The following CMSS1 variants were observed in gnomAD, a reference collection of about 807,000 sequenced individuals.
CMSS1 encodes protein CMSS1.
CMSS1 carries 33 observed loss-of-function variants against 43.5 expected under a neutral mutation model. The ratio of observed to expected loss-of-function variants is 0.76; its 90% CI spans 0.57 to 1.01. CMSS1 has a LOEUF of 1.01. Ranked by LOEUF, CMSS1 falls within the 50% of genes least tolerant of loss-of-function variation. The pLI is 0.00. For synonymous variants in CMSS1, 115 were observed against 117.2 expected, an observed-to-expected ratio of 0.98 and a Z score of 0.12; for missense variants, 313 against 326.4, an observed-to-expected ratio of 0.96 and a Z score of 0.32.
chr3:99,850,068 A>G, intron 1 of CMSS1: 1 of 1,612,514 alleles, frequency 6.2e-7, no homozygotes, highest in Non-Finnish European at 8.5e-7. Context: ...TTAACTTCTC[A>G]GTAACTGTTG....
intron 1 of CMSS1, among the ~76,000 whole-genome samples, chr3:100,042,582 T>TTAC: frequency 6.6e-6 from 1 of 152,244 alleles, no homozygotes; most frequent in South Asian, 2.1e-4. Context: ...CATGTATGGT[T>TTAC]CAGACATTGT....
At position 100,117,387 on chromosome 3, in the gene CMSS1, G is replaced by A. The variant is rs113062753; in HGVS notation, c.65-29586G>A. On this transcript the variant is annotated intron_variant, in intron 1 of 9. Transcript: ENST00000421999. ...TCACTGAGATAATTAGTAAGAGACC[G>A]GGATCTGCATTTAGTTTAGTCTGAC... 4.7e-3 allele frequency among the ~76,000 whole-genome samples: 716 copies of A among 152,064 alleles called. 4 individuals are homozygous for A. Among genetic ancestry groups the A allele is most frequent in the African/African-American group, 0.016 (653 of 41,488 alleles).
intron 1 of CMSS1, among the ~76,000 whole-genome samples, chr3:100,116,862 C>T (rs984691459): frequency 1.3e-5 from 2 of 152,160 alleles, no homozygotes; most frequent in African/African-American, 2.4e-5. Flanking sequence ...TTTTTGGCCC[C>T]ATCATCCCTG....
At chr3:99,968,083 G>A (rs1708706414) in intron 1 of CMSS1, among the ~76,000 whole-genome samples, 1 of 152,178 alleles carries the variant, frequency 6.6e-6, no homozygotes, top group African/African-American at 2.4e-5. Context: ...CAAAGAGATA[G>A]TTTTAGCACA....
At chr3:99,975,491 C>T (rs554231178) in intron 1 of CMSS1, among the ~76,000 whole-genome samples, 1 of 151,962 alleles carries the variant, frequency 6.6e-6, no homozygotes, top group African/African-American at 2.4e-5. Context: ...ACTCGGGAGG[C>T]TGAGGCAGGA....
intron 1 of CMSS1, among the ~76,000 whole-genome samples, chr3:99,943,007 A>G (rs1360522410): frequency 1.3e-5 from 2 of 152,138 alleles, no homozygotes; most frequent in Non-Finnish European, 2.9e-5. Context: ...AGGGGCAAAG[A>G]GCTGCTGTGA....
Position 99,849,429 on chromosome 3 carries a change from T to G in CMSS1, c.64+31386T>G, listed in dbSNP as rs1158674578. The G allele has an allele frequency of 3.4e-5, 55 of 1,613,324 alleles. No homozygotes were observed. The highest frequency in any genetic ancestry group is 4.7e-5 in the Non-Finnish European group (55 of 1,179,606). On this transcript the variant is annotated intron_variant, in intron 1 of 9. Transcript: ENST00000421999. ...TGTTCCTGTTTTCTTGTTGATTTAG[T>G]TTTTTTTGCAGGACTGAGTGATCTC... is the stretch of plus-strand genomic sequence containing the variant.
At chr3:99,834,499 C>G (rs1321706722) in intron 1 of CMSS1, among the ~76,000 whole-genome samples, 1 of 152,288 alleles carries the variant, frequency 6.6e-6, no homozygotes, top group Non-Finnish European at 1.5e-5. Flanking sequence ...CAAAATCGCT[C>G]CAAACCCAGT....
chr3:99,938,926 A>T (rs1707775257), intron 1 of CMSS1, among the ~76,000 whole-genome samples: 1 of 152,226 alleles, frequency 6.6e-6, no homozygotes, highest in African/African-American at 2.4e-5. Flanking sequence ...TGGCTAAAAA[A>T]AGACAATTGA....
At chr3:99,828,815 C>T (rs745999527) in intron 1 of CMSS1, among the ~76,000 whole-genome samples, 37 of 151,992 alleles carry the variant, frequency 2.4e-4, no homozygotes, top group Non-Finnish European at 5.0e-4. Flanking sequence ...CCTTTCACTT[C>T]GACTTTTCCA....
Position 100,152,203 on chromosome 3 carries a change from C to CT in CMSS1, c.153+5156dup, listed in dbSNP as rs80126820. ...GTTTTGTCCTCCAATTATCCTTCTTCTTTTTTTTTTTTTTCTATTAAAAGC... is the reference window on the plus strand; with the variant it reads ...GTTTTGTCCTCCAATTATCCTTCTTCTTTTTTTTTTTTTTTCTATTAAAAGC... On this transcript the variant is annotated intron_variant, in intron 2 of 9. Transcript: ENST00000421999. Among the ~76,000 whole-genome samples the CT allele has an allele frequency of 9.7e-3, 1,390 of 143,430 alleles. 8 individuals are homozygous for CT. The highest frequency in any genetic ancestry group is 0.013 in the East Asian group (66 of 4,944). The allele number at this position is 143,430 out of a possible 152,430, so 94.1% of individuals were successfully genotyped here.
chr3:100,062,093 C>CTTCTTTTTTTTTTTTTTTTTTT (rs2065577734), intron 1 of CMSS1, among the ~76,000 whole-genome samples: 1 of 53,154 alleles, frequency 1.9e-5, no homozygotes, highest in African/African-American at 8.9e-5. Context: ...CTGTCTTCTT[C>CTTCTTTTTTTTTTTTTTTTTTT]TTTTTTTTTT....
At chr3:99,846,426 A>G (rs1319675835) in intron 1 of CMSS1, among the ~76,000 whole-genome samples, 1 of 152,248 alleles carries the variant, frequency 6.6e-6, no homozygotes, top group African/African-American at 2.4e-5. Context: ...CAGCAGCATT[A>G]TCATTGTCTG....
At chr3:99,916,068 G>A (rs942958007) in intron 1 of CMSS1, among the ~76,000 whole-genome samples, 1 of 152,128 alleles carries the variant, frequency 6.6e-6, no homozygotes, top group East Asian at 1.9e-4. Flanking sequence ...TGAATAGCTG[G>A]TTAAACATTA....
chr3:99,993,816 G>A (rs912199112), intron 1 of CMSS1, among the ~76,000 whole-genome samples: 6 of 152,088 alleles, frequency 3.9e-5, no homozygotes, highest in South Asian at 2.1e-4. Context: ...GCATCCCTGG[G>A]ATAAATCGTA....
At chr3:100,066,643 T>G (rs1451537223) in intron 1 of CMSS1, among the ~76,000 whole-genome samples, 3 of 122,908 alleles carry the variant, frequency 2.4e-5, no homozygotes, top group Non-Finnish European at 5.2e-5. Context: ...GCCATTCTCC[T>G]GCCTCAGCCT....
At chr3:99,839,598 T>C (rs915163197) in intron 1 of CMSS1, among the ~76,000 whole-genome samples, 1 of 152,192 alleles carries the variant, frequency 6.6e-6, no homozygotes, top group Non-Finnish European at 1.5e-5. Flanking sequence ...GTTTCTAGAC[T>C]CTTATTTCTC....
chr3:99,948,774 AAG>A (rs1017457649), intron 1 of CMSS1, among the ~76,000 whole-genome samples: 4 of 149,380 alleles, frequency 2.7e-5, no homozygotes, highest in Admixed American at 2.7e-4. Flanking sequence ...AGGAAAGAAA[AAG>A]AGAAAGGAAA....
At chr3:99,855,194 T>G (rs987908268) in intron 1 of CMSS1, among the ~76,000 whole-genome samples, 5 of 152,234 alleles carry the variant, frequency 3.3e-5, no homozygotes, top group African/African-American at 1.2e-4. Context: ...CACCCATTTT[T>G]TTCAAAGAAG....
Sources: gnomAD v4.1 joint callset for allele counts (sites outside exome capture counted in the v4.1 genomes callset) on GRCh38, gnomAD v4.1.1 for gene constraint, MANE v1.5 for transcripts, NCBI Gene and HGNC (gene_info 2026-07-23, HGNC 2026-07-21) for gene names.